CLIP4: variants seen among roughly 807,000 people sequenced by gnomAD.
CLIP4 encodes the protein CAP-Gly domain-containing linker protein 4.
CLIP4 carries 47 observed loss-of-function variants against 73.1 expected under a neutral mutation model. That is an observed-to-expected ratio of 0.64 (90% CI 0.51 to 0.82). The LOEUF (loss-of-function observed/expected upper bound fraction) is 0.82, where lower values mean the gene tolerates loss of function less well. Ranked by LOEUF, CLIP4 falls within the 40% of genes least tolerant of loss-of-function variation. The pLI, the probability that CLIP4 is intolerant of heterozygous loss-of-function variation, is 0.00. For missense variants in CLIP4, 874 were observed against 852.9 expected (o/e 1.02, Z -0.31); for synonymous variants, 306 against 295.4 (o/e 1.04, Z -0.37).
intron 14 of CLIP4, among the ~76,000 whole-genome samples, chr2:29,169,981 A>G (rs77698845): frequency 2.0e-4 from 31 of 152,266 alleles, no homozygotes; most frequent in African/African-American, 7.2e-4. Context: ...CCACTGTTTT[A>G]GCTCCTGCAC....
intron 1 of CLIP4, among the ~76,000 whole-genome samples, chr2:29,101,405 C>T (rs1668046054): frequency 1.3e-5 from 2 of 151,126 alleles, no homozygotes; most frequent in South Asian, 4.2e-4. Flanking sequence ...GTAAGTCCAA[C>T]AATCCAAAAG....
chr2:29,122,291 C>T (rs950645043), intron 2 of CLIP4, among the ~76,000 whole-genome samples: 2 of 148,992 alleles, frequency 1.3e-5, no homozygotes, highest in East Asian at 3.9e-4. Context: ...CTAGACCAGT[C>T]GTCAGAAGTA....
rs763530959 is a variant in CLIP4, at chr2:29,131,381, A to T, written c.257A>T (p.Asp86Val). Residue 86 changes from aspartate (D) to valine (V), a missense_variant, in exon 3 of 16, where the codon GAC (aspartate) becomes GTC (valine). Asp to Val is a radical substitution (Grantham distance 152, BLOSUM62 -3). Transcript: ENST00000320081. Reference protein sequence around the residue: ...QWVPQVQQNIDIIGNEILKRG... With the variant: ...QWVPQVQQNIVIIGNEILKRG... ...GTTCCTCAGGTCCAACAAAACATTGACATTATTGGAAATGAGGTAAGGAAT... is the reference window on the plus strand; with the variant it reads ...GTTCCTCAGGTCCAACAAAACATTGTCATTATTGGAAATGAGGTAAGGAAT... 6.3e-7 allele frequency: 1 copy of T among 1,598,924 alleles called. No individual in the cohort carries two copies. The highest frequency in any genetic ancestry group is 1.2e-5 in the South Asian group (1 of 86,320).
At chr2:29,135,449 A>G (rs1236981533) in intron 5 of CLIP4, 99 bp from the exon 6 acceptor site, 1 of 729,158 alleles carries the variant, frequency 1.4e-6, no homozygotes, top group African/African-American at 1.8e-5. Flanking sequence ...TAAGTCTTAC[A>G]AATGCTATAA....
chr2:29,110,682 ATTTG>A (rs1334974115), upstream of CLIP4, among the ~76,000 whole-genome samples: 13 of 152,026 alleles, frequency 8.6e-5, no homozygotes, highest in South Asian at 8.3e-4. Flanking sequence ...CAGAGATGAT[ATTTG>A]TTTATTTATT....
At chr2:29,131,130 A>G in intron 2 of CLIP4, 128 bp from the exon 3 acceptor site, 1 of 936,984 alleles carries the variant, frequency 1.1e-6, no homozygotes, top group Admixed American at 3.1e-5. Flanking sequence ...CCTTATTTAG[A>G]TACTTCTGAT....
intron 15 of CLIP4, among the ~76,000 whole-genome samples, chr2:29,179,193 A>G (rs763586868): frequency 2.0e-5 from 3 of 152,230 alleles, no homozygotes; most frequent in Non-Finnish European, 4.4e-5. Flanking sequence ...TAATTTTTAC[A>G]GCACTCCTGA....
chr2:29,156,384 C>T lies in CLIP4; in HGVS notation c.1196C>T (p.Ser399Phe), dbSNP rs1228853272. The T allele has an allele frequency of 6.3e-7, 1 of 1,585,516 alleles. No individual in the cohort carries two copies. Among genetic ancestry groups the T allele is most frequent in the East Asian group, 2.3e-5 (1 of 43,656 alleles). Reference protein sequence around the residue: ...GLMTSKKDSASESTLSLPPGE... With the variant: ...GLMTSKKDSAFESTLSLPPGE... ...ATGACATCAAAAAAAGATAGTGCTTCTGAGTCAACACTTTCATTGCCTCCT... is the reference window on the plus strand; with the variant it reads ...ATGACATCAAAAAAAGATAGTGCTTTTGAGTCAACACTTTCATTGCCTCCT... Residue 399 changes from serine (S) to phenylalanine (F), a missense_variant, in exon 10 of 16, where the codon TCT becomes TTT. Physicochemically the swap from Ser to Phe is radical, Grantham distance 155 (BLOSUM62 -2). Transcript: ENST00000320081.
At chr2:29,121,873 T>C (rs1487176773) in intron 2 of CLIP4, among the ~76,000 whole-genome samples, 2 of 152,212 alleles carry the variant, frequency 1.3e-5, no homozygotes, top group African/African-American at 4.8e-5. Flanking sequence ...GCCATGTACT[T>C]AGGCAAAGAG....
chr2:29,154,231 G>C (rs535598012), intron 9 of CLIP4, among the ~76,000 whole-genome samples: 67 of 152,264 alleles, frequency 4.4e-4, no homozygotes, highest in African/African-American at 1.6e-3. Context: ...GGTAAATATA[G>C]ACAGAAAGCT....
chr2:29,126,733 T>C (rs1182572814), intron 2 of CLIP4, among the ~76,000 whole-genome samples: 2 of 152,206 alleles, frequency 1.3e-5, no homozygotes, highest in Non-Finnish European at 2.9e-5. Context: ...GTGAATTCTC[T>C]AAGTGGCCCC....
chr2:29,123,195 T>A (rs2148467364), intron 2 of CLIP4, among the ~76,000 whole-genome samples: 1 of 152,336 alleles, frequency 6.6e-6, no homozygotes, highest in South Asian at 2.1e-4. Flanking sequence ...GGCTACACAT[T>A]TCTGTTTCCT....
chr2:29,109,276 A>G (rs116345700), intron 1 of CLIP4, among the ~76,000 whole-genome samples: 3,540 of 152,164 alleles, frequency 0.023, 110 homozygotes, highest in East Asian at 0.09. Context: ...CCCGAAACTT[A>G]GCTTTTGTGC....
chr2:29,138,826 A>C lies in CLIP4; in HGVS notation c.648+3160A>C, dbSNP rs554076143. Among the ~76,000 whole-genome samples, 9 of 152,206 alleles carry C rather than the reference A, an allele frequency of 5.9e-5. No homozygotes were observed. The East Asian group carries it at 1.5e-3, about 26-fold the overall frequency. ...AGTGTTATTGGTGTATAGAAATGCT[A>C]CTGATTTTCGTATATTGATTTTGTG... On this transcript the variant is annotated intron_variant, in intron 6 of 15. Transcript: ENST00000320081.
chr2:29,140,798 T>G (rs1015698137), intron 6 of CLIP4, among the ~76,000 whole-genome samples: 1 of 152,182 alleles, frequency 6.6e-6, no homozygotes, highest in African/African-American at 2.4e-5. Context: ...GGTATCTCAT[T>G]GTGGTTTTGA....
rs536441002 is a variant in CLIP4 at position 29,130,357 on chromosome 2, A to C, written c.134-901A>C. Among the ~76,000 whole-genome samples, 14 of 152,336 alleles carry C rather than the reference A, an allele frequency of 9.2e-5. No homozygotes were observed. The South Asian group carries it at 2.9e-3, about 32-fold the overall frequency. On this transcript the variant is annotated intron_variant, in intron 2 of 15. Coordinates refer to ENST00000320081, the MANE Select transcript of CLIP4 (RefSeq NM_024692.6). Reference sequence around the variant, plus strand: ...AAAGTGGTAAGAAGCTTGTCTCACGAAGGTTATAGTAAGGTTTATAAAGCC... The same window carrying C: ...AAAGTGGTAAGAAGCTTGTCTCACGCAGGTTATAGTAAGGTTTATAAAGCC...
At chr2:29,105,458 C>A (rs188768480) in intron 1 of CLIP4, among the ~76,000 whole-genome samples, 1 of 152,122 alleles carries the variant, frequency 6.6e-6, no homozygotes, top group Non-Finnish European at 1.5e-5. Context: ...CATTTTGAAC[C>A]GTGCTGACAG....
chr2:29,129,808 G>T (rs1167629741), intron 2 of CLIP4, among the ~76,000 whole-genome samples: 1 of 152,062 alleles, frequency 6.6e-6, no homozygotes, highest in Non-Finnish European at 1.5e-5. Context: ...TAAATTAAAG[G>T]TTCTCCGAAG....
chr2:29,101,928 CT>C (rs1298477380), intron 1 of CLIP4, among the ~76,000 whole-genome samples: 4 of 152,186 alleles, frequency 2.6e-5, no homozygotes, highest in Admixed American at 6.5e-5. Context: ...GGGACCACGG[CT>C]TTTTCATTTG....
Sources: allele counts gnomAD v4.1 joint callset (sites outside exome capture counted in the v4.1 genomes callset), GRCh38; gene constraint gnomAD v4.1.1; transcripts MANE v1.5; gene names NCBI Gene and HGNC (gene_info 2026-07-23, HGNC 2026-07-21).